The following METTL25 variants were observed in gnomAD, a reference collection of about 807,000 sequenced individuals.
METTL25 encodes probable methyltransferase-like protein 25.
A neutral mutation model predicts 71.6 loss-of-function variants in METTL25; 64 were observed. The observed-to-expected ratio is 0.89, with a 90% CI of 0.73 to 1.10. The LOEUF (loss-of-function observed/expected upper bound fraction) is 1.10. METTL25 is among the 50% of genes least tolerant of loss of function. The pLI is 0.00. For missense variants in METTL25, 807 were observed against 707.0 expected (o/e 1.14, Z -1.60); for synonymous variants, 287 against 250.3 (o/e 1.15, Z -1.38).
At chr12:82,464,867 G>T (rs1892126035) in intron 9 of METTL25, among the ~76,000 whole-genome samples, 1 of 135,648 alleles carries the variant, frequency 7.4e-6, no homozygotes, top group African/African-American at 2.7e-5. Flanking sequence ...TTCCTTTATA[G>T]CTATTGTAAA....
At chr12:82,414,584 G>C (rs960315765) in intron 5 of METTL25, among the ~76,000 whole-genome samples, 1 of 152,110 alleles carries the variant, frequency 6.6e-6, no homozygotes. Context: ...CCAATAATGT[G>C]TTTAAATCCA....
At chr12:82,381,109 G>C (rs929544567) in intron 1 of METTL25, among the ~76,000 whole-genome samples, 3 of 152,144 alleles carry the variant, frequency 2.0e-5, no homozygotes, top group Non-Finnish European at 4.4e-5. Flanking sequence ...ACAATCGTAA[G>C]TTATAACAAA....
At chr12:82,415,516 T>C (rs1887902853) in intron 5 of METTL25, among the ~76,000 whole-genome samples, 1 of 152,072 alleles carries the variant, frequency 6.6e-6, no homozygotes, top group Non-Finnish European at 1.5e-5. Flanking sequence ...GCTGACAAGT[T>C]CCACAGTATG....
At chr12:82,410,380 C>G (rs1349734193) in intron 5 of METTL25, among the ~76,000 whole-genome samples, 1 of 152,110 alleles carries the variant, frequency 6.6e-6, no homozygotes, top group East Asian at 1.9e-4. Context: ...ACAATATTTT[C>G]TATCTCATAC....
chr12:82,377,916 GA>G (rs1884039177), intron 1 of METTL25, among the ~76,000 whole-genome samples: 1 of 152,138 alleles, frequency 6.6e-6, no homozygotes, highest in African/African-American at 2.4e-5. Context: ...TAAACTCTTA[GA>G]CATCAGGATA....
intron 9 of METTL25, among the ~76,000 whole-genome samples, chr12:82,462,778 T>C (rs1366029942): frequency 2.0e-5 from 3 of 152,120 alleles, no homozygotes; most frequent in East Asian, 1.9e-4. Flanking sequence ...CCCATGGATA[T>C]CCAAATCCAT....
intron 1 of METTL25, among the ~76,000 whole-genome samples, chr12:82,371,504 C>T (rs1883228681): frequency 6.6e-6 from 1 of 152,156 alleles, no homozygotes; most frequent in Non-Finnish European, 1.5e-5. Context: ...CATTTTCTGT[C>T]CTCTCTGAAC....
chr12:82,411,862 A>G (rs1419876238), intron 5 of METTL25, among the ~76,000 whole-genome samples: 1 of 152,078 alleles, frequency 6.6e-6, no homozygotes, highest in East Asian at 1.9e-4. Context: ...ACGCTTCGGT[A>G]TTCCTTGAGA....
intron 9 of METTL25, among the ~76,000 whole-genome samples, chr12:82,475,826 AT>A (rs1017885996): frequency 6.6e-6 from 1 of 151,930 alleles, no homozygotes; most frequent in Admixed American, 6.6e-5. Context: ...CAGATTTCAG[AT>A]TTTTTTTGAA....
At chr12:82,381,014 C>A (rs1467465138) in intron 1 of METTL25, among the ~76,000 whole-genome samples, 1 of 152,182 alleles carries the variant, frequency 6.6e-6, no homozygotes, top group Non-Finnish European at 1.5e-5. Flanking sequence ...AGAATTCTAA[C>A]TGGGAGTTGC....
intron 9 of METTL25, among the ~76,000 whole-genome samples, chr12:82,470,289 T>C (rs1045736669): frequency 3.3e-5 from 5 of 152,198 alleles, no homozygotes; most frequent in African/African-American, 1.2e-4. Flanking sequence ...GGAAATAAAA[T>C]AGGAGGTAGT....
intron 5 of METTL25, among the ~76,000 whole-genome samples, chr12:82,417,427 G>T (rs1413394982): frequency 1.3e-5 from 2 of 152,064 alleles, no homozygotes; most frequent in Non-Finnish European, 2.9e-5. Flanking sequence ...TATAAAATGA[G>T]TTCTGAAAGT....
intron 4 of METTL25, among the ~76,000 whole-genome samples, chr12:82,399,934 C>A (rs1448741727): frequency 8.1e-6 from 1 of 122,966 alleles, no homozygotes; most frequent in African/African-American, 3.2e-5. Flanking sequence ...ATCGTTTGGC[C>A]TAACTCATTG....
At chr12:82,440,201 A>T (rs1890215308) in intron 8 of METTL25, among the ~76,000 whole-genome samples, 1 of 151,848 alleles carries the variant, frequency 6.6e-6, no homozygotes, top group Non-Finnish European at 1.5e-5. Context: ...GCCATTCTTT[A>T]ATGTTTTATA....
intron 4 of METTL25, among the ~76,000 whole-genome samples, chr12:82,402,598 A>G (rs1394782020): frequency 6.6e-6 from 1 of 152,182 alleles, no homozygotes; most frequent in Non-Finnish European, 1.5e-5. Context: ...AAATAAAAAC[A>G]TAGAATACTT....
intron 5 of METTL25, among the ~76,000 whole-genome samples, chr12:82,409,810 T>A (rs1887410244): frequency 1.3e-5 from 2 of 152,066 alleles, no homozygotes; most frequent in Non-Finnish European, 2.9e-5. Context: ...CAAAGATTCC[T>A]CCATTTACTT....
intron 1 of METTL25, among the ~76,000 whole-genome samples, chr12:82,370,142 T>G (rs1310305815): frequency 6.6e-6 from 1 of 152,166 alleles, no homozygotes; most frequent in African/African-American, 2.4e-5. Flanking sequence ...GAAGGAGCCC[T>G]GCAGTTGTAG....
At chr12:82,421,693 AT>A (rs775544904) in intron 5 of METTL25, among the ~76,000 whole-genome samples, 8 of 152,212 alleles carry the variant, frequency 5.3e-5, no homozygotes, top group Non-Finnish European at 1.0e-4. Context: ...AATAGATGCA[AT>A]AAAAAATGAT....
intron 1 of METTL25, among the ~76,000 whole-genome samples, chr12:82,374,562 T>C (rs945950535): frequency 2.0e-5 from 3 of 152,158 alleles, no homozygotes; most frequent in Non-Finnish European, 4.4e-5. Flanking sequence ...AGAGTGCTGA[T>C]TGGTGCATTT....
Sources: gnomAD v4.1 joint callset for allele counts (sites outside exome capture counted in the v4.1 genomes callset) on GRCh38, gnomAD v4.1.1 for gene constraint, MANE v1.5 for transcripts, NCBI Gene and HGNC (gene_info 2026-07-23, HGNC 2026-07-21) for gene names.